PRKACB: variants seen among roughly 807,000 people sequenced by gnomAD.
The protein encoded by PRKACB is cAMP-dependent protein kinase catalytic subunit beta.
A neutral mutation model predicts 51.4 loss-of-function variants in PRKACB; 16 were observed. The ratio of observed to expected loss-of-function variants is 0.31; its 90% CI spans 0.21 to 0.47. The LOEUF (loss-of-function observed/expected upper bound fraction) is 0.47, where lower values mean the gene tolerates loss of function less well. PRKACB is among the 20% of genes least tolerant of loss of function. The pLI is 1.00. For synonymous variants in PRKACB, 147 were observed against 154.4 expected (o/e 0.95, Z 0.35); for missense variants, 309 against 464.5 (o/e 0.67, Z 3.08).
intron 1 of PRKACB, among the ~76,000 whole-genome samples, chr1:84,125,340 CAT>C (rs1248620285): frequency 1.3e-5 from 2 of 152,194 alleles, no homozygotes; most frequent in Admixed American, 1.3e-4. Flanking sequence ...AATTTCATGA[CAT>C]GTTGCCATGG....
chr1:84,162,392 C>G (rs529433668), intron 1 of PRKACB, among the ~76,000 whole-genome samples: 2 of 152,072 alleles, frequency 1.3e-5, no homozygotes, highest in Non-Finnish European at 2.9e-5. Flanking sequence ...CCCTTTGTCT[C>G]TCTCCTTTTT....
At position 84,235,418 on chromosome 1, in the gene PRKACB, G is replaced by A. The variant is rs1676575222; in HGVS notation, c.*113G>A. On this transcript the variant is annotated 3_prime_UTR_variant, in exon 10 of 10. Coordinates refer to ENST00000370685, the MANE Select transcript of PRKACB (RefSeq NM_182948.4). The stretch of plus-strand genomic sequence containing the variant: ...AGTTACCTAGTTCCTTCATTCCAAC[G>A]ACTGAGTGAGGTCTTTATTGCCATC... 14 of 1,387,444 alleles carry A rather than the reference G, an allele frequency of 1.0e-5. No individual in the cohort carries two copies. The highest frequency in any genetic ancestry group is 1.5e-5 in the African/African-American group (1 of 68,658). The allele number at this position is 1,387,444 out of a possible 1,614,324, so 85.9% of individuals were successfully genotyped here.
chr1:84,111,581 T>A (rs1480297732), intron 1 of PRKACB, among the ~76,000 whole-genome samples: 5 of 152,078 alleles, frequency 3.3e-5, no homozygotes, highest in Non-Finnish European at 5.9e-5. Context: ...TACCCATACA[T>A]AATTTCCAAC....
chr1:84,230,188 G>C (rs1282024411), intron 9 of PRKACB, among the ~76,000 whole-genome samples: 5 of 151,464 alleles, frequency 3.3e-5, no homozygotes, highest in South Asian at 2.1e-4. Context: ...ATTAAATAGG[G>C]AATCCTTTCC....
chr1:84,084,282 T>A (rs1291058990), intron 1 of PRKACB, among the ~76,000 whole-genome samples: 1 of 152,092 alleles, frequency 6.6e-6, no homozygotes, highest in Non-Finnish European at 1.5e-5. Flanking sequence ...GGAAGTAAGT[T>A]GCCCATTATG....
chr1:84,231,923 A>G (rs1280537538), intron 9 of PRKACB, among the ~76,000 whole-genome samples: 2 of 149,344 alleles, frequency 1.3e-5, no homozygotes. Context: ...TATTTCCTTC[A>G]GTTCTGCTCT....
At chr1:84,109,648 A>T (rs1043900353) in intron 1 of PRKACB, among the ~76,000 whole-genome samples, 1 of 151,946 alleles carries the variant, frequency 6.6e-6, no homozygotes, top group Non-Finnish European at 1.5e-5. Flanking sequence ...CTGAAACATT[A>T]TGAAAATGAG....
At chr1:84,175,907 A>G (rs1661086989) in intron 1 of PRKACB, 2 of 958,320 alleles carry the variant, frequency 2.1e-6, no homozygotes, top group Non-Finnish European at 1.4e-6. Flanking sequence ...GAATAAATTA[A>G]TTTTTTGTGT....
intron 1 of PRKACB, among the ~76,000 whole-genome samples, chr1:84,130,669 G>A (rs1011947968): frequency 6.6e-6 from 1 of 152,140 alleles, no homozygotes; most frequent in African/African-American, 2.4e-5. Context: ...TTTACAGATT[G>A]AAGAAGCTTA....
At chr1:84,159,210 G>A (rs12128892) in intron 1 of PRKACB, among the ~76,000 whole-genome samples, 70,848 of 151,906 alleles carry the variant, frequency 0.47, 17,382 homozygotes, top group Non-Finnish European at 0.56. Context: ...TATATATTGA[G>A]TTCATAGATT....
intron 1 of PRKACB, among the ~76,000 whole-genome samples, chr1:84,085,480 A>AT (rs2100750796): frequency 6.6e-6 from 1 of 152,334 alleles, no homozygotes; most frequent in African/African-American, 2.4e-5. Context: ...TTCCAGCTTT[A>AT]TAATCCAATG....
chr1:84,198,117 C>T lies in PRKACB; in HGVS notation c.783+293C>T, dbSNP rs41301158. 8.5e-3 allele frequency among the ~76,000 whole-genome samples: 1,298 copies of T among 152,014 alleles called. 16 individuals carry two copies. Among genetic ancestry groups the T allele is most frequent in the African/African-American group, 0.03 (1,226 of 41,480 alleles). ...GTCTTTTCTTAATTATTCCTAGTAA[C>T]GGAAGGGTAGAGAAGACTTGCTCTG... On this transcript the variant is annotated intron_variant, in intron 7 of 9. Coordinates refer to ENST00000370685, the MANE Select transcript of PRKACB (RefSeq NM_182948.4).
At chr1:84,219,688 A>C (rs1023731576) in intron 9 of PRKACB, among the ~76,000 whole-genome samples, 3 of 150,492 alleles carry the variant, frequency 2.0e-5, no homozygotes, top group Non-Finnish European at 4.4e-5. Context: ...GTTTTTCCGC[A>C]CCATGTATTG....
At chr1:84,109,039 CAATT>C (rs1210708930) in intron 1 of PRKACB, among the ~76,000 whole-genome samples, 1 of 151,828 alleles carries the variant, frequency 6.6e-6, no homozygotes, top group Non-Finnish European at 1.5e-5. Flanking sequence ...TTTTGCCTGA[CAATT>C]TGTTTGTGGG....
Position 84,134,866 on chromosome 1 carries a change from C to A in PRKACB, c.47-44311C>A, listed in dbSNP as rs1652635763. On this transcript the variant is annotated intron_variant, in intron 1 of 8. Coordinates refer to the PRKACB transcript ENST00000370688. Reference sequence around the variant, plus strand: ...TTATGACATGGCAGTTATTCATTTTCCTTGTCCATATTGAAATTATCACCC... The same window carrying A: ...TTATGACATGGCAGTTATTCATTTTACTTGTCCATATTGAAATTATCACCC... 2.6e-5 allele frequency among the ~76,000 whole-genome samples: 4 copies of A among 152,106 alleles called. No homozygotes were observed. In the South Asian group the frequency reaches 8.3e-4, roughly 32 times the overall value.
chr1:84,159,380 A>G (rs889284449), intron 1 of PRKACB, among the ~76,000 whole-genome samples: 6 of 152,074 alleles, frequency 3.9e-5, no homozygotes, highest in African/African-American at 1.4e-4. Context: ...TTGTGAATGG[A>G]TAAGTCTTAA....
At chr1:84,220,611 T>A (rs1221578499) in intron 9 of PRKACB, among the ~76,000 whole-genome samples, 3 of 152,144 alleles carry the variant, frequency 2.0e-5, no homozygotes, top group Non-Finnish European at 2.9e-5. Flanking sequence ...GAGTAATGCC[T>A]CTTCTATGCC....
At chr1:84,089,243 A>T (rs1395404158) in intron 1 of PRKACB, among the ~76,000 whole-genome samples, 1 of 152,102 alleles carries the variant, frequency 6.6e-6, no homozygotes, top group Non-Finnish European at 1.5e-5. Flanking sequence ...CCTTTCCTCC[A>T]TTGGCAGGAA....
At chr1:84,229,843 G>C (rs1398965230) in intron 9 of PRKACB, among the ~76,000 whole-genome samples, 6 of 152,112 alleles carry the variant, frequency 3.9e-5, no homozygotes. Flanking sequence ...CCCTTTGTCA[G>C]ATGAGTAGGT....
Sources: allele counts gnomAD v4.1 joint callset (sites outside exome capture counted in the v4.1 genomes callset), GRCh38; gene constraint gnomAD v4.1.1; transcripts MANE v1.5; gene names NCBI Gene and HGNC (gene_info 2026-07-23, HGNC 2026-07-21).